The following SCN9A variants were observed in gnomAD, a reference collection of about 807,000 sequenced individuals.
SCN9A encodes the protein sodium channel protein type 9 subunit alpha.
Under a neutral mutation model 187.0 loss-of-function variants are expected in SCN9A, and 131 were observed. The observed-to-expected ratio is 0.70, with a 90% CI of 0.61 to 0.81. SCN9A has a LOEUF of 0.81. Ranked by LOEUF, SCN9A falls within the 30% of genes least tolerant of loss-of-function variation. The probability of loss-of-function intolerance (pLI) is 0.00; values close to 1 mark genes in which losing one functional copy is unlikely to be tolerated. For missense variants in SCN9A, 2,252 were observed against 2,396.6 expected (o/e 0.94, Z 1.26); for synonymous variants, 809 against 808.6 (o/e 1.00, Z -0.01).
At chr2:166,368,686 T>A (rs1249298533) in intron 1 of SCN9A, among the ~76,000 whole-genome samples, 5 of 134,560 alleles carry the variant, frequency 3.7e-5, no homozygotes, top group South Asian at 2.4e-4. Flanking sequence ...GAAACTTAAT[T>A]AAAAAAAAAA....
chr2:166,290,657 TAA>T, intron 9 of SCN9A, among the ~76,000 whole-genome samples: 1 of 152,176 alleles, frequency 6.6e-6, no homozygotes, highest in African/African-American at 2.4e-5. Flanking sequence ...TTGCGTTTCT[TAA>T]TGATCACTGA....
intron 16 of SCN9A, among the ~76,000 whole-genome samples, chr2:166,274,575 T>C (rs1697146198): frequency 6.6e-6 from 1 of 152,146 alleles, no homozygotes; most frequent in African/African-American, 2.4e-5. Flanking sequence ...GAATATATTT[T>C]TTTCCTTAAA....
At chr2:166,237,648 A>G (rs767843741) in intron 20 of SCN9A, among the ~76,000 whole-genome samples, 28 of 152,150 alleles carry the variant, frequency 1.8e-4, no homozygotes, top group Non-Finnish European at 3.4e-4. Context: ...TTTAGCTCAC[A>G]TATCAGCCAA....
chr2:166,372,204 G>C (rs1225628335), intron 1 of SCN9A, among the ~76,000 whole-genome samples: 1 of 151,962 alleles, frequency 6.6e-6, no homozygotes, highest in Non-Finnish European at 1.5e-5. Flanking sequence ...ACAGTGATGG[G>C]TCTTCATGGA....
chr2:166,226,661 A>G lies in SCN9A; in HGVS notation c.4304T>C (p.Ile1435Thr). The G allele has an allele frequency of 6.3e-7, 1 of 1,591,590 alleles. No individual in the cohort carries two copies. The highest frequency in any genetic ancestry group is 8.6e-7 in the Non-Finnish European group (1 of 1,169,114). ...PKYEYSLYMYIYFVVFIIFGS... is the reference protein window; with the variant it reads ...PKYEYSLYMYTYFVVFIIFGS... Reference sequence around the variant, plus strand: ...AAAGATGATAAAGACGACAAAATAAATATACATGTAGAGGCTATATTCATA... The same window carrying G: ...AAAGATGATAAAGACGACAAAATAAGTATACATGTAGAGGCTATATTCATA... The change falls in exon 24 of 27, where the codon ATT becomes ACT. Residue 1435 changes from isoleucine (I) to threonine (T), a missense_variant. Around this residue, in one of 7 missense-constraint regions of SCN9A, gnomAD observed 368 missense variants for 408.6 expected, o/e 0.90. Coordinates refer to ENST00000642356, the MANE Select transcript of SCN9A (RefSeq NM_001365536.1).
chr2:166,313,017 A>C (rs1406009855), intron 1 of SCN9A, among the ~76,000 whole-genome samples: 2 of 142,756 alleles, frequency 1.4e-5, no homozygotes, highest in Non-Finnish European at 3.1e-5. Context: ...ATAATTAAAT[A>C]ATATAGTTAT....
intron 22 of SCN9A, 125 bp from the exon 23 acceptor site, chr2:166,227,848 A>G: frequency 1.5e-6 from 1 of 646,570 alleles, no homozygotes; most frequent in Non-Finnish European, 2.8e-6. Context: ...TGCTGTATTC[A>G]ACATGTCCAT....
At chr2:166,238,067 T>C (rs200598575) in intron 20 of SCN9A, 27 bp downstream of exon 20, 189 of 1,562,710 alleles carry the variant, frequency 1.2e-4, no homozygotes, top group Admixed American at 6.3e-4. Flanking sequence ...ATAAATCCTC[T>C]TTTAAAATGT....
In SCN9A at chr2:166,252,538, A is replaced by T. The variant is rs542176980; in HGVS notation, c.3352-653T>A. ...TACCAACACCACCCATTTTGTATAT[A>T]ACATTTTAGTATATAGTAGAAAAGA... On this transcript the variant is annotated intron_variant, in intron 17 of 26. Transcript: ENST00000642356. Among the ~76,000 whole-genome samples, 184 of 152,040 alleles carry T rather than the reference A, an allele frequency of 1.2e-3. 1 individual carries two copies. Among genetic ancestry groups the T allele is most frequent in the African/African-American group, 4.3e-3 (180 of 41,528 alleles).
chr2:166,203,829 A>T, intron 26 of SCN9A, 126 bp downstream of exon 26: 2 of 638,454 alleles, frequency 3.1e-6, no homozygotes, highest in South Asian at 2.3e-5. Flanking sequence ...GGATTTTTTC[A>T]TTCTTTCATT....
intron 17 of SCN9A, among the ~76,000 whole-genome samples, chr2:166,257,364 G>A (rs985088744): frequency 1.3e-5 from 2 of 151,540 alleles, no homozygotes; most frequent in African/African-American, 2.4e-5. Context: ...CAAACACAAA[G>A]TAAGCTACCT....
chr2:166,248,729 C>A (rs1695903583), intron 18 of SCN9A, among the ~76,000 whole-genome samples: 1 of 152,078 alleles, frequency 6.6e-6, no homozygotes, highest in Non-Finnish European at 1.5e-5. Flanking sequence ...TGCAGTGGCA[C>A]AATCTTGGCT....
At chr2:166,355,353 C>A (rs968576888) in intron 1 of SCN9A, among the ~76,000 whole-genome samples, 3 of 151,760 alleles carry the variant, frequency 2.0e-5, no homozygotes, top group African/African-American at 7.3e-5. Flanking sequence ...TAAGTATAGT[C>A]ATTTAAAAAA....
In SCN9A at chr2:166,289,211, T is replaced by G. The variant is rs112181001; in HGVS notation, c.1108-568A>C. Among the ~76,000 whole-genome samples the G allele has an allele frequency of 1.2e-3, 185 of 151,848 alleles. 1 individual carries two copies. Among genetic ancestry groups the G allele is most frequent in the African/African-American group, 4.4e-3 (182 of 41,334 alleles). ...CTGAAGGTACAGAGATTTTTTTTTC[T>G]TTTTTTCTTTTTTTTGGCATAACGT... On this transcript the variant is annotated intron_variant, in intron 9 of 26. Coordinates refer to ENST00000642356, the MANE Select transcript of SCN9A (RefSeq NM_001365536.1).
intron 24 of SCN9A, among the ~76,000 whole-genome samples, chr2:166,222,749 GGT>G (rs1694645133): frequency 6.8e-6 from 1 of 146,784 alleles, no homozygotes; most frequent in African/African-American, 2.6e-5. Flanking sequence ...TGGCTAACAG[GGT>G]GAAACCCCGT....
chr2:166,368,595 T>C (rs550788771), intron 1 of SCN9A, among the ~76,000 whole-genome samples: 1 of 150,784 alleles, frequency 6.6e-6, no homozygotes, highest in South Asian at 2.1e-4. Context: ...ATCGTACCAC[T>C]GCACTCCAGC....
intron 24 of SCN9A, among the ~76,000 whole-genome samples, chr2:166,215,135 A>G (rs537737953): frequency 6.6e-6 from 1 of 152,366 alleles, no homozygotes; most frequent in South Asian, 2.1e-4. Context: ...CTAGAAGTCA[A>G]TAAGAATAAC....
intron 17 of SCN9A, among the ~76,000 whole-genome samples, chr2:166,254,850 GTAAATA>G (rs148768852): frequency 0.02 from 2,984 of 151,348 alleles, 101 homozygotes; most frequent in African/African-American, 0.069. Flanking sequence ...TATAAATAAA[GTAAATA>G]TAAATATAAG....
At position 166,283,988 on chromosome 2, in the gene SCN9A, A is replaced by T. The variant is rs73969655; in HGVS notation, c.1974+465T>A. Among the ~76,000 whole-genome samples the T allele has an allele frequency of 2.4e-3, 358 of 152,306 alleles. 1 individual carries two copies. Among genetic ancestry groups the T allele is most frequent in the African/African-American group, 8.3e-3 (344 of 41,562 alleles). On this transcript the variant is annotated intron_variant, in intron 12 of 26. Coordinates refer to ENST00000642356, the MANE Select transcript of SCN9A (RefSeq NM_001365536.1). ...CTCATGGGGTTGTCATAAATACTAA[A>T]TATGTGTTTGCTGTTATTAACAACT... is the stretch of plus-strand genomic sequence containing the variant.
Sources: allele counts gnomAD v4.1 joint callset (sites outside exome capture counted in the v4.1 genomes callset), GRCh38; gene constraint gnomAD v4.1.1; regional missense constraint gnomAD v4.1.1; transcripts MANE v1.5; gene names NCBI Gene and HGNC (gene_info 2026-07-23, HGNC 2026-07-21).